The following NEBL variants were observed in gnomAD, a reference collection of about 807,000 sequenced individuals.
The protein encoded by NEBL is nebulette.
In NEBL, 122 loss-of-function variants were observed where a neutral mutation model predicts 140.2. That is an observed-to-expected ratio of 0.87 (90% CI 0.75 to 1.01). NEBL has a LOEUF of 1.01. Ranked by LOEUF, NEBL falls within the 50% of genes least tolerant of loss-of-function variation. The pLI, the probability that NEBL is intolerant of heterozygous loss-of-function variation, is 0.00. For missense variants in NEBL, 1,365 were observed against 1,231.3 expected, an observed-to-expected ratio of 1.11 and a Z score of -1.62; for synonymous variants, 436 against 398.9, an observed-to-expected ratio of 1.09 and a Z score of -1.11.
intron 3 of NEBL, among the ~76,000 whole-genome samples, chr10:21,231,288 C>A (rs553100022): frequency 1.3e-5 from 2 of 152,176 alleles, no homozygotes; most frequent in East Asian, 3.9e-4. Flanking sequence ...ATCTGTAATC[C>A]CAGCACTTTG....
chr10:21,207,140 A>G (rs1012573121), intron 3 of NEBL, among the ~76,000 whole-genome samples: 6 of 151,730 alleles, frequency 4.0e-5, no homozygotes, highest in Admixed American at 3.9e-4. Context: ...CGCCTGGCTA[A>G]TTTTTGTATT....
intron 5 of NEBL, among the ~76,000 whole-genome samples, chr10:20,872,212 T>C (rs918137223): frequency 2.0e-5 from 3 of 152,076 alleles, no homozygotes; most frequent in Non-Finnish European, 4.4e-5. Flanking sequence ...GGACTTTGAA[T>C]AGGGCCCCAT....
At chr10:21,125,051 A>G (rs1231919154) in intron 2 of NEBL, among the ~76,000 whole-genome samples, 2 of 152,228 alleles carry the variant, frequency 1.3e-5, no homozygotes, top group Non-Finnish European at 2.9e-5. Context: ...CAGCACAAAC[A>G]CAGATCATGA....
chr10:21,211,081 T>C (rs1263527116), intron 3 of NEBL, among the ~76,000 whole-genome samples: 1 of 152,126 alleles, frequency 6.6e-6, no homozygotes, highest in Admixed American at 6.5e-5. Flanking sequence ...TCAGTAGGAA[T>C]AAAGGCCACT....
At chr10:21,008,278 C>T (rs922685891) in intron 3 of NEBL, among the ~76,000 whole-genome samples, 11 of 152,152 alleles carry the variant, frequency 7.2e-5, no homozygotes, top group African/African-American at 2.7e-4. Context: ...TCACTTTACA[C>T]AGTCAACTGT....
At chr10:21,110,960 G>A (rs906277729) in intron 2 of NEBL, 9 of 411,786 alleles carry the variant, frequency 2.2e-5, no homozygotes, top group Non-Finnish European at 3.3e-5. Context: ...CAGACAAATA[G>A]GGAGCCAAAT....
chr10:20,802,501 T>C (rs1262911389), intron 26 of NEBL, among the ~76,000 whole-genome samples: 1 of 152,126 alleles, frequency 6.6e-6, no homozygotes, highest in African/African-American at 2.4e-5. Flanking sequence ...CTTAATACAT[T>C]GAAAAGTAGA....
intron 4 of NEBL, among the ~76,000 whole-genome samples, chr10:20,919,178 A>G (rs995549785): frequency 3.3e-5 from 5 of 152,194 alleles, no homozygotes; most frequent in Non-Finnish European, 7.3e-5. Context: ...AGCTATAGTT[A>G]AGTCTTTGCT....
intron 5 of NEBL, among the ~76,000 whole-genome samples, chr10:20,875,345 C>T (rs1845390884): frequency 6.6e-6 from 1 of 152,160 alleles, no homozygotes; most frequent in African/African-American, 2.4e-5. Context: ...TGTCTTGACT[C>T]AACTGGGCTA....
At chr10:21,152,013 G>C (rs557508622) in intron 2 of NEBL, among the ~76,000 whole-genome samples, 9 of 152,114 alleles carry the variant, frequency 5.9e-5, no homozygotes, top group African/African-American at 2.2e-4. Flanking sequence ...AACAGCGCCT[G>C]GTTCATAGGA....
intron 3 of NEBL, among the ~76,000 whole-genome samples, chr10:21,014,195 C>G (rs1838466167): frequency 6.6e-6 from 1 of 152,044 alleles, no homozygotes; most frequent in African/African-American, 2.4e-5. Context: ...GTGATCGTAG[C>G]TCACTACAAC....
At chr10:20,832,886 A>G (rs1207929265) in intron 14 of NEBL, among the ~76,000 whole-genome samples, 1 of 152,218 alleles carries the variant, frequency 6.6e-6, no homozygotes, top group Non-Finnish European at 1.5e-5. Flanking sequence ...TTTAACTTTC[A>G]AAATATTAAT....
intron 2 of NEBL, chr10:21,110,683 T>G (rs150639411): frequency 2.1e-6 from 1 of 472,504 alleles, no homozygotes; most frequent in Non-Finnish European, 4.2e-6. Flanking sequence ...CACCACCCCA[T>G]GGAAGGCTCA....
intron 14 of NEBL, 122 bp downstream of exon 14, chr10:20,835,391 A>G (rs1446809507): frequency 3.6e-6 from 3 of 834,082 alleles, no homozygotes; most frequent in Non-Finnish European, 6.2e-6. Context: ...AATAGTCTCC[A>G]TTCCAAACTG....
intron 13 of NEBL, 65 bp from the exon 14 acceptor site, chr10:20,835,688 G>T: frequency 9.1e-7 from 1 of 1,095,608 alleles, no homozygotes. Flanking sequence ...TGCAGTCAAT[G>T]ATACTAAAAA....
chr10:21,252,750 G>A (rs779022381), intron 1 of NEBL, among the ~76,000 whole-genome samples: 7 of 152,208 alleles, frequency 4.6e-5, no homozygotes, highest in South Asian at 4.1e-4. Context: ...GAGGTCAGGA[G>A]TTCAAGACCA....
chr10:20,806,006 C>G (rs942569393), intron 26 of NEBL, among the ~76,000 whole-genome samples: 1 of 152,162 alleles, frequency 6.6e-6, no homozygotes, highest in African/African-American at 2.4e-5. Context: ...CCATGTGTTA[C>G]TCAAATTCTA....
At chr10:20,949,589 A>G (rs1005898968) in intron 4 of NEBL, among the ~76,000 whole-genome samples, 5 of 152,164 alleles carry the variant, frequency 3.3e-5, no homozygotes, top group African/African-American at 1.2e-4. Context: ...AATAGTAAAA[A>G]CATATTTATG....
At chr10:21,057,997 A>AT (rs549127710) in intron 2 of NEBL, among the ~76,000 whole-genome samples, 120 of 152,220 alleles carry the variant, frequency 7.9e-4, no homozygotes, top group Non-Finnish European at 1.5e-3. Flanking sequence ...CTTTCCATCT[A>AT]TTTTTTCTGA....
Sources: gnomAD v4.1 joint callset for allele counts (sites outside exome capture counted in the v4.1 genomes callset) on GRCh38, gnomAD v4.1.1 for gene constraint, MANE v1.5 for transcripts, NCBI Gene and HGNC (gene_info 2026-07-23, HGNC 2026-07-21) for gene names.